TRIM2: variants seen among roughly 807,000 people sequenced by gnomAD.
The protein encoded by TRIM2 is tripartite motif containing 2, also known as tripartite motif-containing protein 2.
A neutral mutation model predicts 75.2 loss-of-function variants in TRIM2; 20 were observed. That is an observed-to-expected ratio of 0.27 (90% CI 0.19 to 0.39). The LOEUF is 0.39. Ranked by LOEUF, TRIM2 falls within the 10% of genes least tolerant of loss-of-function variation. The pLI is 1.00. For synonymous variants in TRIM2, 373 were observed against 388.3 expected, an observed-to-expected ratio of 0.96 and a Z score of 0.46; for missense variants, 660 against 990.8, an observed-to-expected ratio of 0.67 and a Z score of 4.48.
At chr4:153,296,917 C>T (rs1478077009) in intron 6 of TRIM2, among the ~76,000 whole-genome samples, 4 of 152,156 alleles carry the variant, frequency 2.6e-5, no homozygotes, top group Non-Finnish European at 5.9e-5. Context: ...TTAGCTGGCA[C>T]ATGTAGAAAA....
chr4:153,256,030 T>C (rs1458112852), intron 1 of TRIM2, among the ~76,000 whole-genome samples: 1 of 152,168 alleles, frequency 6.6e-6, no homozygotes, highest in Non-Finnish European at 1.5e-5. Flanking sequence ...TGTTCCAAAA[T>C]TGGCTGTGGT....
intron 2 of TRIM2, among the ~76,000 whole-genome samples, chr4:153,274,020 G>A (rs1757482750): frequency 6.6e-6 from 1 of 152,204 alleles, no homozygotes; most frequent in Admixed American, 6.5e-5. Context: ...CTGGTATGCA[G>A]CAAATGAGGG....
intron 1 of TRIM2, among the ~76,000 whole-genome samples, chr4:153,226,436 C>G (rs1197774758): frequency 1.3e-5 from 2 of 152,168 alleles, no homozygotes; most frequent in African/African-American, 2.4e-5. Flanking sequence ...TGCAGTAAAA[C>G]GAACTAACCT....
At chr4:153,308,836 T>C (rs1384546878) in intron 6 of TRIM2, 14 of 393,848 alleles carry the variant, frequency 3.6e-5, no homozygotes, top group Non-Finnish European at 6.5e-5. Flanking sequence ...TATTATTTTA[T>C]GCCCCTCTCC....
chr4:153,256,490 C>T (rs755779126), intron 1 of TRIM2, among the ~76,000 whole-genome samples: 15 of 152,112 alleles, frequency 9.9e-5, no homozygotes, highest in African/African-American at 2.4e-4. Context: ...CTGTTCCCTG[C>T]GTTTATTGTT....
At chr4:153,329,533 G>A (rs563343536) in intron 11 of TRIM2, among the ~76,000 whole-genome samples, 31 of 151,604 alleles carry the variant, frequency 2.0e-4, no homozygotes, top group Non-Finnish European at 3.1e-4. Context: ...ACAAGCAGAA[G>A]GAAGCAAGGC....
At chr4:153,256,990 T>C (rs961450687) in intron 1 of TRIM2, among the ~76,000 whole-genome samples, 1 of 152,222 alleles carries the variant, frequency 6.6e-6, no homozygotes, top group African/African-American at 2.4e-5. Flanking sequence ...AGGAAATCAG[T>C]CGTCTCTCTT....
At chr4:153,305,446 A>G (rs931532721) in intron 6 of TRIM2, among the ~76,000 whole-genome samples, 1 of 152,242 alleles carries the variant, frequency 6.6e-6, no homozygotes, top group South Asian at 2.1e-4. Context: ...AATATGGTAG[A>G]TAAAGAGCTT....
At chr4:153,261,944 C>G (rs932868983) in intron 1 of TRIM2, among the ~76,000 whole-genome samples, 2 of 152,134 alleles carry the variant, frequency 1.3e-5, no homozygotes, top group Non-Finnish European at 2.9e-5. Flanking sequence ...GGAAAAACAC[C>G]AGAGATGATG....
At chr4:153,211,482 CTTTTTCTTTTTT>C (rs1366515976) in intron 1 of TRIM2, among the ~76,000 whole-genome samples, 3 of 137,268 alleles carry the variant, frequency 2.2e-5, no homozygotes, top group African/African-American at 6.3e-5. Flanking sequence ...TTTGTTTTTT[CTTTTTCTTTTTT>C]TTTTTTTTTT....
intron 1 of TRIM2, among the ~76,000 whole-genome samples, chr4:153,267,545 G>A (rs1227659553): frequency 3.3e-5 from 5 of 152,160 alleles, no homozygotes; most frequent in African/African-American, 1.2e-4. Context: ...CCAGCTACTG[G>A]GGAGGCTGAG....
chr4:153,152,821 G>A (rs1728850151), upstream of TRIM2, among the ~76,000 whole-genome samples: 1 of 152,198 alleles, frequency 6.6e-6, no homozygotes, highest in Non-Finnish European at 1.5e-5. Flanking sequence ...TAACTGGAAA[G>A]GCGCCTGCCT....
intron 1 of TRIM2, among the ~76,000 whole-genome samples, chr4:153,211,916 G>A (rs550134959): frequency 2.0e-5 from 3 of 152,278 alleles, no homozygotes; most frequent in Non-Finnish European, 4.4e-5. Context: ...AAATCTGTGA[G>A]AAGGCTGTCT....
chr4:153,217,378 G>A (rs983625368), intron 1 of TRIM2, among the ~76,000 whole-genome samples: 2 of 152,138 alleles, frequency 1.3e-5, no homozygotes, highest in African/African-American at 4.8e-5. Context: ...GTCAGGAACA[G>A]GCAAGATTTG....
chr4:153,173,068 G>A (rs71620245), intron 1 of TRIM2, among the ~76,000 whole-genome samples: 7,075 of 152,284 alleles, frequency 0.046, 239 homozygotes, highest in Non-Finnish European at 0.069. Flanking sequence ...AATGGCATGG[G>A]GATGTGGCTG....
chr4:153,199,194 G>A (rs952707575), intron 1 of TRIM2, among the ~76,000 whole-genome samples: 1 of 152,252 alleles, frequency 6.6e-6, no homozygotes, highest in African/African-American at 2.4e-5. Flanking sequence ...TGAAATTTCT[G>A]GCAAAGTCTT....
upstream of TRIM2, among the ~76,000 whole-genome samples, chr4:153,203,434 A>G (rs1282565889): frequency 7.1e-6 from 1 of 140,308 alleles, no homozygotes; most frequent in African/African-American, 2.8e-5. Context: ...CACACACACG[A>G]AGAAGAACAT....
intron 1 of TRIM2, among the ~76,000 whole-genome samples, chr4:153,226,824 GT>G (rs1313567531): frequency 6.6e-5 from 10 of 152,158 alleles, no homozygotes; most frequent in Non-Finnish European, 1.2e-4. Context: ...ATTAGAACAA[GT>G]TTCCTTTTAG....
At chr4:153,200,931 T>C (rs547661888), upstream of TRIM2, among the ~76,000 whole-genome samples, 9 of 151,618 alleles carry the variant, frequency 5.9e-5, no homozygotes, top group Admixed American at 3.9e-4. Context: ...GGATTACAGG[T>C]ATGAGCCACC....
Sources: gnomAD v4.1 joint callset for allele counts (sites outside exome capture counted in the v4.1 genomes callset) on GRCh38, gnomAD v4.1.1 for gene constraint, MANE v1.5 for transcripts, NCBI Gene and HGNC (gene_info 2026-07-23, HGNC 2026-07-21) for gene names.